The following ACBD6 variants were observed in gnomAD, a reference collection of about 807,000 sequenced individuals.
ACBD6 encodes the protein acyl-CoA-binding domain-containing protein 6.
In ACBD6, 28 loss-of-function variants were observed where a neutral mutation model predicts 37.2. The ratio of observed to expected loss-of-function variants is 0.75; its 90% CI spans 0.56 to 1.03. The LOEUF (loss-of-function observed/expected upper bound fraction) is 1.03, where lower values mean the gene tolerates loss of function less well. ACBD6 is among the 50% of genes least tolerant of loss of function. The pLI, the probability that ACBD6 is intolerant of heterozygous loss-of-function variation, is 0.00. For missense variants in ACBD6, 340 were observed against 337.4 expected, an observed-to-expected ratio of 1.01 and a Z score of -0.06; for synonymous variants, 113 against 126.8, an observed-to-expected ratio of 0.89 and a Z score of 0.73.
At chr1:180,431,744 C>T (rs557964509) in intron 3 of ACBD6, among the ~76,000 whole-genome samples, 5 of 151,776 alleles carry the variant, frequency 3.3e-5, no homozygotes, top group African/African-American at 9.7e-5. Flanking sequence ...ATAAATAAAA[C>T]TAAAAATGAG....
rs141507153 is a variant in ACBD6, at chr1:180,451,955, T to C, written c.385-21693A>G. On this transcript the variant is annotated intron_variant, in intron 3 of 7. Coordinates refer to ENST00000367595, the MANE Select transcript of ACBD6 (RefSeq NM_032360.4). The stretch of plus-strand genomic sequence containing the variant: ...CATTTAAAAAAACTAGGAAAGACTA[T>C]ACTTTCAGGGGTCATTTCTATCTGA... 2.2e-3 allele frequency among the ~76,000 whole-genome samples: 332 copies of C among 152,274 alleles called. 2 individuals are homozygous for C. The Middle Eastern group carries it at 0.027, about 12-fold the overall frequency.
intron 6 of ACBD6, among the ~76,000 whole-genome samples, chr1:180,346,836 G>A (rs574113366): frequency 2.6e-5 from 4 of 152,132 alleles, no homozygotes; most frequent in Admixed American, 2.6e-4. Context: ...TGGGCAACAT[G>A]GCAAGACCCC....
At chr1:180,335,082 A>G (rs1287228451) in intron 6 of ACBD6, among the ~76,000 whole-genome samples, 7 of 152,198 alleles carry the variant, frequency 4.6e-5, no homozygotes, top group Non-Finnish European at 8.8e-5. Context: ...GTTGGAAAAC[A>G]CTCTGCAGGA....
At chr1:180,457,933 C>G (rs771557371) in intron 3 of ACBD6, among the ~76,000 whole-genome samples, 2 of 151,840 alleles carry the variant, frequency 1.3e-5, no homozygotes, top group Admixed American at 6.6e-5. Context: ...GCTGGGATTA[C>G]AGGCGCCCAC....
intron 3 of ACBD6, among the ~76,000 whole-genome samples, chr1:180,430,470 G>A (rs931029473): frequency 6.6e-6 from 1 of 152,064 alleles, no homozygotes; most frequent in African/African-American, 2.4e-5. Context: ...TACCTGGCTG[G>A]CAATCTAAGG....
chr1:180,394,788 G>C (rs1244615184), intron 6 of ACBD6, among the ~76,000 whole-genome samples: 2 of 152,082 alleles, frequency 1.3e-5, no homozygotes, highest in African/African-American at 2.4e-5. Flanking sequence ...CTGGACAAAA[G>C]TAAAATTCCT....
chr1:180,440,558 AT>A (rs1485628606), intron 3 of ACBD6, among the ~76,000 whole-genome samples: 3 of 152,090 alleles, frequency 2.0e-5, no homozygotes, highest in Non-Finnish European at 2.9e-5. Context: ...CATATTTGTT[AT>A]TCCCCCCAAA....
intron 6 of ACBD6, among the ~76,000 whole-genome samples, chr1:180,364,791 T>TA (rs1372041301): frequency 6.7e-6 from 1 of 150,098 alleles, no homozygotes; most frequent in Non-Finnish European, 1.5e-5. Context: ...TGGAGTACAG[T>TA]AGCGCGATCT....
chr1:180,486,589 AAAT>A (rs1433021837), intron 3 of ACBD6, among the ~76,000 whole-genome samples: 1 of 152,256 alleles, frequency 6.6e-6, no homozygotes, highest in Non-Finnish European at 1.5e-5. Flanking sequence ...GTGGAATGCT[AAAT>A]AATAAATGAA....
In ACBD6 at chr1:180,372,065, G is replaced by A. The variant is rs1320696755; in HGVS notation, c.663+25451C>T. Among the ~76,000 whole-genome samples, 3 of 152,060 alleles carry A rather than the reference G, an allele frequency of 2.0e-5. No individual in the cohort carries two copies. In the East Asian group the frequency reaches 5.8e-4, roughly 29 times the overall value. On this transcript the variant is annotated intron_variant, in intron 6 of 7. Coordinates refer to ENST00000367595, the MANE Select transcript of ACBD6 (RefSeq NM_032360.4). The stretch of plus-strand genomic sequence containing the variant: ...CAAAGTGTTATACTAATTAAGTTAC[G>A]ATGGTGATGATGATGGATAAACAAC...
intron 3 of ACBD6, among the ~76,000 whole-genome samples, chr1:180,466,994 C>T (rs1287539002): frequency 6.6e-5 from 10 of 151,896 alleles, no homozygotes; most frequent in African/African-American, 2.4e-5. Flanking sequence ...CTATATGATC[C>T]CCAAAGATTA....
intron 8 of ACBD6, among the ~76,000 whole-genome samples, chr1:180,281,647 C>T (rs1311637979): frequency 6.6e-6 from 1 of 152,110 alleles, no homozygotes; most frequent in South Asian, 2.1e-4. Context: ...GCCCCTTTGC[C>T]TGGCTGTGCA....
At chr1:180,384,260 A>G (rs1653764087) in intron 6 of ACBD6, among the ~76,000 whole-genome samples, 1 of 152,210 alleles carries the variant, frequency 6.6e-6, no homozygotes, top group South Asian at 2.1e-4. Flanking sequence ...ATTATCTGAC[A>G]AGGGACTAAT....
chr1:180,419,871 G>A (rs757076745), intron 4 of ACBD6, among the ~76,000 whole-genome samples: 2 of 151,956 alleles, frequency 1.3e-5, no homozygotes, highest in African/African-American at 4.8e-5. Flanking sequence ...TGGCAGGTGA[G>A]GCAGGCACAC....
intron 6 of ACBD6, among the ~76,000 whole-genome samples, chr1:180,357,692 G>GTTCC (rs1236603676): frequency 2.6e-5 from 4 of 152,194 alleles, no homozygotes. Flanking sequence ...CTCAGTAGAG[G>GTTCC]TTCCCTAGAA....
chr1:180,369,187 A>G (rs1653162108), intron 6 of ACBD6, among the ~76,000 whole-genome samples: 1 of 152,228 alleles, frequency 6.6e-6, no homozygotes, highest in Non-Finnish European at 1.5e-5. Context: ...GCAAGAGTAT[A>G]AACGGAGCAG....
chr1:180,442,292 CT>C (rs59092425), intron 3 of ACBD6, among the ~76,000 whole-genome samples: 6 of 149,292 alleles, frequency 4.0e-5, no homozygotes, highest in Admixed American at 6.7e-5. Flanking sequence ...ACTAGGGGCA[CT>C]TTTTTTTTTG....
At chr1:180,276,393 C>G (rs865840340) in intron 9 of ACBD6, 2 of 152,200 alleles carry the variant, frequency 1.3e-5, no homozygotes, top group Non-Finnish European at 2.9e-5. Context: ...CCTTCGGGCC[C>G]TCTTCTCTGA....
At chr1:180,472,745 T>C (rs574451602) in intron 3 of ACBD6, among the ~76,000 whole-genome samples, 2 of 152,278 alleles carry the variant, frequency 1.3e-5, no homozygotes, top group East Asian at 1.9e-4. Flanking sequence ...TTTAATTCTT[T>C]AAAAATTTAA....
Sources: gnomAD v4.1 joint callset for allele counts (sites outside exome capture counted in the v4.1 genomes callset) on GRCh38, gnomAD v4.1.1 for gene constraint, MANE v1.5 for transcripts, NCBI Gene and HGNC (gene_info 2026-07-23, HGNC 2026-07-21) for gene names.